Variants in MARCHF11 observed in about 807,000 individuals in gnomAD.
MARCHF11 encodes membrane associated ring-CH-type finger 11.
Under a neutral mutation model 37.3 loss-of-function variants are expected in MARCHF11, and 29 were observed. That is an observed-to-expected ratio of 0.78 (90% CI 0.58 to 1.06). MARCHF11 has a LOEUF of 1.06. MARCHF11 is among the 50% of genes least tolerant of loss of function. The pLI is 0.00. For missense variants in MARCHF11, 482 were observed against 533.4 expected (o/e 0.90, Z 0.95); for synonymous variants, 233 against 228.0 (o/e 1.02, Z -0.20).
At chr5:16,068,443 C>T (rs1736385345) in intron 3 of MARCHF11, among the ~76,000 whole-genome samples, 1 of 152,118 alleles carries the variant, frequency 6.6e-6, no homozygotes, top group African/African-American at 2.4e-5. Context: ...GAAACCAAGC[C>T]TTGGGGATGT....
chr5:16,085,040 T>C (rs1161383874), intron 3 of MARCHF11, among the ~76,000 whole-genome samples: 2 of 151,958 alleles, frequency 1.3e-5, no homozygotes, highest in African/African-American at 4.8e-5. Flanking sequence ...TTGTCCATGC[T>C]TGTGCTTTGA....
At chr5:16,153,677 G>A (rs1737925175) in intron 2 of MARCHF11, among the ~76,000 whole-genome samples, 1 of 151,900 alleles carries the variant, frequency 6.6e-6, no homozygotes, top group Non-Finnish European at 1.5e-5. Context: ...TGCTAATTGT[G>A]GCTTAACATC....
At chr5:16,143,813 C>T (rs890322603) in intron 2 of MARCHF11, among the ~76,000 whole-genome samples, 3 of 152,220 alleles carry the variant, frequency 2.0e-5, no homozygotes, top group Admixed American at 1.3e-4. Flanking sequence ...GTTTGGGTTA[C>T]ACCCCCAGAG....
intron 2 of MARCHF11, among the ~76,000 whole-genome samples, chr5:16,145,683 T>C (rs551908741): frequency 8.5e-5 from 13 of 152,236 alleles, no homozygotes; most frequent in African/African-American, 3.1e-4. Context: ...AGAAGTGGAT[T>C]CTGGAAAAAT....
intron 2 of MARCHF11, among the ~76,000 whole-genome samples, chr5:16,170,378 A>T (rs1312773056): frequency 7.3e-5 from 3 of 41,094 alleles, no homozygotes; most frequent in Non-Finnish European, 1.7e-4. Context: ...AGCTTTTATA[A>T]AAAAAAATTC....
intron 2 of MARCHF11, among the ~76,000 whole-genome samples, chr5:16,133,403 A>T (rs936582517): frequency 2.0e-5 from 3 of 152,150 alleles, no homozygotes; most frequent in Admixed American, 6.6e-5. Context: ...CCAAAATGCA[A>T]GAGATCTCAG....
intron 2 of MARCHF11, among the ~76,000 whole-genome samples, chr5:16,137,630 T>G (rs1737629492): frequency 6.6e-6 from 1 of 152,142 alleles, no homozygotes; most frequent in Admixed American, 6.5e-5. Flanking sequence ...TTGGAATGGT[T>G]TGGAGGGCTC....
intron 2 of MARCHF11, among the ~76,000 whole-genome samples, chr5:16,106,103 A>G (rs1166188209): frequency 6.6e-6 from 1 of 152,158 alleles, no homozygotes; most frequent in African/African-American, 2.4e-5. Context: ...AAAACAATTT[A>G]GAATGGCTTC....
chr5:16,133,824 G>A (rs536054405), intron 2 of MARCHF11, among the ~76,000 whole-genome samples: 1 of 152,116 alleles, frequency 6.6e-6, no homozygotes, highest in Non-Finnish European at 1.5e-5. Flanking sequence ...ATCTCATAAG[G>A]TTTTAAGAAA....
At chr5:16,163,239 G>A (rs1191771491) in intron 2 of MARCHF11, among the ~76,000 whole-genome samples, 1 of 151,918 alleles carries the variant, frequency 6.6e-6, no homozygotes, top group Admixed American at 6.6e-5. Flanking sequence ...CTCCTTGGTT[G>A]CTCACAACAG....
chr5:16,131,109 C>T (rs1198904716), intron 2 of MARCHF11, among the ~76,000 whole-genome samples: 1 of 152,188 alleles, frequency 6.6e-6, no homozygotes, highest in Admixed American at 6.6e-5. Flanking sequence ...CACAAATCAA[C>T]ATGTAATATT....
At chr5:16,103,106 A>C (rs1354272092) in intron 2 of MARCHF11, among the ~76,000 whole-genome samples, 2 of 139,326 alleles carry the variant, frequency 1.4e-5, no homozygotes, top group Non-Finnish European at 3.1e-5. Flanking sequence ...ATCACTGCCC[A>C]GGCAGAAAAA....
chr5:16,167,314 T>C (rs1738188027), intron 2 of MARCHF11, among the ~76,000 whole-genome samples: 1 of 152,004 alleles, frequency 6.6e-6, no homozygotes, highest in African/African-American at 2.4e-5. Flanking sequence ...GGCATGAGAA[T>C]CAAGAGAGCT....
At chr5:16,163,149 C>A (rs1042716675) in intron 2 of MARCHF11, among the ~76,000 whole-genome samples, 7 of 151,716 alleles carry the variant, frequency 4.6e-5, no homozygotes, top group African/African-American at 1.7e-4. Flanking sequence ...AATCAAGACG[C>A]TCTGGAGGTG....
chr5:16,147,611 T>C (rs1429167486), intron 2 of MARCHF11, among the ~76,000 whole-genome samples: 1 of 152,200 alleles, frequency 6.6e-6, no homozygotes, highest in Non-Finnish European at 1.5e-5. Flanking sequence ...AGGCTTGGTC[T>C]AGATGATCTT....
intron 3 of MARCHF11, among the ~76,000 whole-genome samples, chr5:16,086,072 C>G (rs915092759): frequency 6.8e-6 from 1 of 147,892 alleles, no homozygotes; most frequent in Non-Finnish European, 1.5e-5. Context: ...TCCCTAAAGG[C>G]AAAAATTGGT....
chr5:16,174,748 G>A (rs575985174), intron 2 of MARCHF11, among the ~76,000 whole-genome samples: 8 of 152,222 alleles, frequency 5.3e-5, no homozygotes, highest in South Asian at 2.1e-4. Context: ...TGATCTACCC[G>A]GACTTTATGA....
intron 2 of MARCHF11, among the ~76,000 whole-genome samples, chr5:16,146,779 C>T (rs989713869): frequency 6.6e-6 from 1 of 152,178 alleles, no homozygotes; most frequent in Non-Finnish European, 1.5e-5. Flanking sequence ...CAATAACACA[C>T]TTTGAAGGCA....
intron 2 of MARCHF11, among the ~76,000 whole-genome samples, chr5:16,172,528 C>T (rs1414743293): frequency 6.6e-6 from 1 of 152,218 alleles, no homozygotes; most frequent in South Asian, 2.1e-4. Context: ...GGTGGCTCAC[C>T]GTGTCACAGG....
Sources: allele counts gnomAD v4.1 joint callset (sites outside exome capture counted in the v4.1 genomes callset), GRCh38; gene constraint gnomAD v4.1.1; transcripts MANE v1.5; gene names NCBI Gene and HGNC (gene_info 2026-07-23, HGNC 2026-07-21).